Variants in CRACD observed in about 807,000 individuals in gnomAD.
CRACD encodes capping protein-inhibiting regulator of actin dynamics.
A neutral mutation model predicts 106.8 loss-of-function variants in CRACD; 56 were observed. The ratio of observed to expected loss-of-function variants is 0.52; its 90% confidence interval spans 0.42 to 0.66. The LOEUF (loss-of-function observed/expected upper bound fraction) is 0.66, where lower values mean the gene tolerates loss of function less well. Ranked by LOEUF, CRACD falls within the 30% of genes least tolerant of loss-of-function variation. The pLI is 0.00. For missense variants in CRACD, 1,730 were observed against 1,623.2 expected (o/e 1.07, Z -1.13); for synonymous variants, 754 against 670.8 (o/e 1.12, Z -1.92).
At chr4:56,190,061 T>C (rs1737300708) in intron 2 of CRACD, among the ~76,000 whole-genome samples, 1 of 146,840 alleles carries the variant, frequency 6.8e-6, no homozygotes, top group Middle Eastern at 3.3e-3. Context: ...TGAGTGAGAA[T>C]ATGTGGTGTT....
intron 1 of CRACD, among the ~76,000 whole-genome samples, chr4:56,155,663 G>C (rs1735742645): frequency 6.6e-6 from 1 of 152,116 alleles, no homozygotes. Context: ...TCTAGCTCCT[G>C]GGCCCTCACT....
intron 1 of CRACD, among the ~76,000 whole-genome samples, chr4:56,107,154 G>GTTT (rs533950971): frequency 7.3e-5 from 11 of 151,508 alleles, no homozygotes; most frequent in African/African-American, 2.4e-4. Flanking sequence ...AAAACATTGG[G>GTTT]TTTTTTTTCA....
chr4:56,301,413 G>GTT (rs1051508556), intron 4 of CRACD, among the ~76,000 whole-genome samples: 28 of 152,080 alleles, frequency 1.8e-4, no homozygotes, highest in Non-Finnish European at 8.8e-5. Flanking sequence ...AGGCATGTAT[G>GTT]TTTTTATGTC....
chr4:56,233,239 C>G (rs1490018155), intron 2 of CRACD, among the ~76,000 whole-genome samples: 1 of 152,036 alleles, frequency 6.6e-6, no homozygotes, highest in Non-Finnish European at 1.5e-5. Flanking sequence ...TAATTTCAGT[C>G]TCTTAAAAGT....
At chr4:56,113,239 A>T (rs112273308) in intron 1 of CRACD, among the ~76,000 whole-genome samples, 1 of 152,156 alleles carries the variant, frequency 6.6e-6, no homozygotes. Context: ...TCTGCTGTTT[A>T]TTGTTCTATT....
At chr4:56,171,658 G>A (rs1382390396) in intron 1 of CRACD, among the ~76,000 whole-genome samples, 1 of 152,176 alleles carries the variant, frequency 6.6e-6, no homozygotes, top group African/African-American at 2.4e-5. Context: ...ACAACAAAAG[G>A]AGGATGATAA....
chr4:56,099,828 A>G (rs1270557367), intron 1 of CRACD, among the ~76,000 whole-genome samples: 2 of 152,336 alleles, frequency 1.3e-5, no homozygotes, highest in East Asian at 3.9e-4. Context: ...CACCATTGAA[A>G]TAATATCCTG....
chr4:56,095,659 A>T (rs1209941220), intron 1 of CRACD, among the ~76,000 whole-genome samples: 2 of 152,140 alleles, frequency 1.3e-5, no homozygotes, highest in Non-Finnish European at 2.9e-5. Flanking sequence ...GTGGTAGAAG[A>T]TGAGGTAACC....
intron 1 of CRACD, among the ~76,000 whole-genome samples, chr4:56,089,958 T>A (rs1162355439): frequency 6.6e-6 from 1 of 152,142 alleles, no homozygotes; most frequent in African/African-American, 2.4e-5. Context: ...AGTATTACAT[T>A]GACTGTATAG....
At chr4:56,300,278 A>G (rs1053007926) in intron 4 of CRACD, among the ~76,000 whole-genome samples, 9 of 152,242 alleles carry the variant, frequency 5.9e-5, no homozygotes, top group Non-Finnish European at 1.2e-4. Context: ...CAGACAGGGA[A>G]GTAGCCAAGA....
intron 1 of CRACD, among the ~76,000 whole-genome samples, chr4:56,075,473 A>T (rs982369349): frequency 3.3e-5 from 5 of 152,110 alleles, no homozygotes; most frequent in African/African-American, 7.2e-5. Flanking sequence ...GTTTATTTGC[A>T]TAGAGGTGTT....
In CRACD at chr4:56,096,948, A is replaced by G. The variant is rs115682904; in HGVS notation, c.-336+47649A>G. ...TATTTTTTTAAAGATGGAAAACAAC[A>G]TGTTTATTTGTTCCCATTTGCTAGT... On this transcript the variant is annotated intron_variant, in intron 1 of 10. Transcript: ENST00000682029. Among the ~76,000 whole-genome samples, 503 of 152,332 alleles carry G rather than the reference A, an allele frequency of 3.3e-3. 1 individual carries two copies. The highest frequency in any genetic ancestry group is 0.011 in the African/African-American group (469 of 41,566).
chr4:56,086,623 C>G (rs575943127), intron 1 of CRACD, among the ~76,000 whole-genome samples: 160 of 152,230 alleles, frequency 1.1e-3, no homozygotes, highest in African/African-American at 3.6e-3. Context: ...ATCCAGTGCC[C>G]CATTCTATTT....
intron 5 of CRACD, among the ~76,000 whole-genome samples, chr4:56,307,968 G>T (rs9993277): frequency 6.6e-6 from 1 of 152,010 alleles, no homozygotes; most frequent in Admixed American, 6.5e-5. Context: ...CTGGGAAGCC[G>T]TACCTGGCCT....
intron 2 of CRACD, among the ~76,000 whole-genome samples, chr4:56,250,123 AT>A (rs1740963097): frequency 6.6e-6 from 1 of 151,122 alleles, no homozygotes; most frequent in Admixed American, 6.6e-5. Context: ...TTTCCTCTTT[AT>A]TTTTTTCTTT....
chr4:56,199,551 G>A (rs375750995), intron 2 of CRACD, among the ~76,000 whole-genome samples: 1 of 151,682 alleles, frequency 6.6e-6, no homozygotes, highest in East Asian at 1.9e-4. Context: ...GTGTTGAGGC[G>A]TGCACCTGTA....
chr4:56,164,470 A>G (rs893207500), intron 1 of CRACD, among the ~76,000 whole-genome samples: 1 of 152,184 alleles, frequency 6.6e-6, no homozygotes, highest in African/African-American at 2.4e-5. Flanking sequence ...AAAACTATAT[A>G]TTCAGAAATA....
At chr4:56,320,379 A>G (rs1746006444) in intron 8 of CRACD, among the ~76,000 whole-genome samples, 1 of 152,176 alleles carries the variant, frequency 6.6e-6, no homozygotes. Context: ...GAATGGGTTT[A>G]TATTGGAGCA....
At chr4:56,154,405 G>A (rs1329103940) in intron 1 of CRACD, among the ~76,000 whole-genome samples, 1 of 152,170 alleles carries the variant, frequency 6.6e-6, no homozygotes, top group Non-Finnish European at 1.5e-5. Context: ...GGCAGAGGCT[G>A]CAGTGAGCCA....
Sources: allele counts gnomAD v4.1 joint callset (sites outside exome capture counted in the v4.1 genomes callset), GRCh38; gene constraint gnomAD v4.1.1; transcripts MANE v1.5; gene names NCBI Gene and HGNC (gene_info 2026-07-23, HGNC 2026-07-21).